NDN: variants seen among roughly 807,000 people sequenced by gnomAD.
NDN encodes necdin, MAGE family member.
For synonymous variants in NDN, 245 were observed against 189.4 expected (o/e 1.29, Z -2.41); for missense variants, 465 against 440.4 (o/e 1.06, Z -0.50).
Position 23,685,866 on chromosome 15 carries a change from G to C in NDN, c.*386C>G, listed in dbSNP as rs1305293898. On this transcript the variant is annotated 3_prime_UTR_variant, in exon 1 of 1. Coordinates refer to ENST00000649030, the MANE Select transcript of NDN (RefSeq NM_002487.3). ...GCCTTGACTTTTCTTGGTTAGGCCG[G>C]CTTTGCTGGTGACTTCTTCCAAACT... 6.4e-6 allele frequency: 1 copy of C among 155,258 alleles called. No homozygotes were observed. Among genetic ancestry groups the C allele is most frequent in the Non-Finnish European group, 1.4e-5 (1 of 70,410 alleles). The allele number at this position is 155,258 out of a possible 1,614,324, so 9.6% of individuals were successfully genotyped here.
rs1248930594 is a variant in NDN, at chr15:23,687,125, C to A, written c.93G>T (p.Gly31=). 5 of 1,580,548 alleles carry A rather than the reference C, an allele frequency of 3.2e-6. No individual in the cohort carries two copies. Among genetic ancestry groups the A allele is most frequent in the Admixed American group, 3.6e-5 (2 of 55,474 alleles). ...EVHSSPGVSE[G]VPPSATLAEP... is the part of the protein sequence containing the mutation. The stretch of plus-strand genomic sequence containing the variant: ...CTGCCAGGGTCGCGGACGGAGGAAC[C>A]CCCTCCGAAACCCCAGGGCTGCTGT... Residue 31 remains glycine, a synonymous_variant, in exon 1 of 1, where the codon GGG becomes GGT. Coordinates refer to ENST00000649030, the MANE Select transcript of NDN (RefSeq NM_002487.3).
Position 23,686,420 on chromosome 15 carries a change from GGCCCGGGA to G in NDN, c.790_797del (p.Ser264GlnfsTer18). 1 of 1,608,340 alleles carries G rather than the reference GGCCCGGGA, an allele frequency of 6.2e-7. No homozygotes were observed. The highest frequency in any genetic ancestry group is 1.3e-5 in the African/African-American group (1 of 74,854). On this transcript the variant is annotated frameshift_variant, in exon 1 of 1. Coordinates refer to ENST00000649030, the MANE Select transcript of NDN (RefSeq NM_002487.3). LOFTEE classifies it high-confidence loss of function. Reference sequence around the variant, plus strand: ...TTTGCATCTTGGTGATTTCGCGGCTGGCCCGGGAGCCCCAAAAGAACTCGTATTCGGGC... The same window carrying G: ...TTTGCATCTTGGTGATTTCGCGGCTGGCCCCAAAAGAACTCGTATTCGGGC...
Position 23,686,195 on chromosome 15 carries a change from C to T in NDN, c.*57G>A, listed in dbSNP as rs1891140441. 3 of 1,495,248 alleles carry T rather than the reference C, an allele frequency of 2.0e-6. No individual in the cohort carries two copies. The highest frequency in any genetic ancestry group is 2.7e-6 in the Non-Finnish European group (3 of 1,124,920). The allele number at this position is 1,495,248 out of a possible 1,614,324, so 92.6% of individuals were successfully genotyped here. ...TCCTGAATACTATAATGACCCACCC[C>T]CACCCTTCCACAGCCCTGGTGAGGG... On this transcript the variant is annotated 3_prime_UTR_variant, in exon 1 of 1. Coordinates refer to ENST00000649030, the MANE Select transcript of NDN (RefSeq NM_002487.3).
At position 23,686,591 on chromosome 15, in the gene NDN, G is replaced by T; in HGVS notation, c.627C>A (p.Ala209=). ...CCAGGATGCGCAGCACGTTCCAGAC[G>T]GCGCTCTCTCTGGCGCCGCGGCCCT... ...YVKGRGARES[A]VWNVLRILGL... Residue 209 remains alanine (A), a synonymous_variant, in exon 1 of 1, where the codon GCC becomes GCA. Coordinates refer to ENST00000649030, the MANE Select transcript of NDN (RefSeq NM_002487.3). 6.2e-7 allele frequency: 1 copy of T among 1,613,260 alleles called. No individual in the cohort carries two copies. Among genetic ancestry groups the T allele is most frequent in the African/African-American group, 1.3e-5 (1 of 75,050 alleles).
chr15:23,686,684 C>G lies in NDN; in HGVS notation c.534G>C (p.Arg178Ser), dbSNP rs751473607. ...VKALEPEELD[R>S]VALSNRMPMT... is the part of the protein sequence containing the mutation. ...TGGGCATGCGGTTGCTCAGCGCCAC[C>G]CTGTCCAGCTCCTCGGGCTCCAGCG... The change falls in exon 1 of 1, where the codon AGG (arginine) becomes AGC (serine). Residue 178 changes from arginine (R) to serine (S), a missense_variant. Coordinates refer to ENST00000649030, the MANE Select transcript of NDN (RefSeq NM_002487.3). 1 of 1,613,638 alleles carries G rather than the reference C, an allele frequency of 6.2e-7. No homozygotes were observed. Among genetic ancestry groups the G allele is most frequent in the Admixed American group, 1.7e-5 (1 of 59,998 alleles).
Position 23,686,287 on chromosome 15 carries a change from C to T in NDN, c.931G>A (p.Ala311Thr), listed in dbSNP as rs1419710733. The T allele has an allele frequency of 6.6e-7, 1 of 1,514,352 alleles. No individual in the cohort carries two copies. Among genetic ancestry groups the T allele is most frequent in the Middle Eastern group, 2.5e-4 (1 of 3,996 alleles). 93.8% of individuals were successfully genotyped at this position (1,514,352 alleles called of 1,614,324 possible). A position where few individuals can be genotyped will look rare whatever the true frequency, so the allele number is the denominator to read the frequency against. The part of the protein sequence containing the change: ...ARALREANPT[A>T]HYPRSSVSED The stretch of plus-strand genomic sequence containing the variant: ...GAGACACTGCTGCGAGGGTAGTGGG[C>T]AGTGGGATTAGCCTCCCGCAGAGCT... Residue 311 changes from alanine to threonine, a missense_variant, in exon 1 of 1, where the codon GCC becomes ACC. By Grantham distance (58) the Ala-to-Thr change is moderately conservative (BLOSUM62 0). Coordinates refer to ENST00000649030, the MANE Select transcript of NDN (RefSeq NM_002487.3).
chr15:23,686,465 T>C lies in NDN; in HGVS notation c.753A>G (p.Pro251=), dbSNP rs1386233025. The C allele has an allele frequency of 2.5e-6, 4 of 1,612,204 alleles. No homozygotes were observed. The South Asian group carries it at 4.4e-5, about 18-fold the overall frequency. Residue 251 remains proline, a synonymous_variant, in exon 1 of 1, where the codon CCA becomes CCG. Transcript: ENST00000649030. Reference sequence around the variant, plus strand: ...ACTCGTATTCGGGCGGCTCCACGTATGGGACGCGCTGGTACTTCAGGTAAT... The same window carrying C: ...ACTCGTATTCGGGCGGCTCCACGTACGGGACGCGCTGGTACTTCAGGTAAT... ...QMNYLKYQRV[P]YVEPPEYEFF... is the part of the protein sequence containing the mutation.
At position 23,686,504 on chromosome 15, in the gene NDN, C is replaced by T; in HGVS notation, c.714G>A (p.Glu238=). Residue 238 remains glutamate, a synonymous_variant, in exon 1 of 1, where the codon GAG becomes GAA. Transcript: ENST00000649030. ...FGDVRKLITE[E]FVQMNYLKYQ... The stretch of plus-strand genomic sequence containing the variant: ...ACTTCAGGTAATTCATTTGGACGAA[C>T]TCCTCAGTGATGAGCTTCCGCACGT... 1 of 1,613,596 alleles carries T rather than the reference C, an allele frequency of 6.2e-7. No individual in the cohort carries two copies. The highest frequency in any genetic ancestry group is 8.5e-7 in the Non-Finnish European group (1 of 1,179,982).
rs1891170183 is a variant in NDN at position 23,687,256 on chromosome 15, G to A, written c.-39C>T. 4.4e-6 allele frequency: 6 copies of A among 1,376,046 alleles called. No individual in the cohort carries two copies. In the African/African-American group the frequency reaches 9.0e-5, roughly 21 times the overall value. 85.2% of individuals were successfully genotyped at this position (1,376,046 alleles called of 1,614,324 possible). A position where few individuals can be genotyped will look rare whatever the true frequency, so the allele number is the denominator to read the frequency against. On this transcript the variant is annotated 5_prime_UTR_variant, in exon 1 of 1. Coordinates refer to ENST00000649030, the MANE Select transcript of NDN (RefSeq NM_002487.3). ...GGCAAGGGCAGGGCCTCTGCGTCCAGGAGCTCTTCGAGCCTGCGCTCCCTC... is the reference window on the plus strand; with the variant it reads ...GGCAAGGGCAGGGCCTCTGCGTCCAAGAGCTCTTCGAGCCTGCGCTCCCTC...
chr15:23,686,216 G>A lies in NDN; in HGVS notation c.*36C>T. On this transcript the variant is annotated 3_prime_UTR_variant, in exon 1 of 1. Coordinates refer to ENST00000649030, the MANE Select transcript of NDN (RefSeq NM_002487.3). ...ACCCCCACCCTTCCACAGCCCTGGT[G>A]AGGGTCAGAAACCATTCATCTGCCT... 6.7e-7 allele frequency: 1 copy of A among 1,501,606 alleles called. No homozygotes were observed. Among genetic ancestry groups the A allele is most frequent in the Non-Finnish European group, 8.9e-7 (1 of 1,127,668 alleles). The allele number at this position is 1,501,606 out of a possible 1,614,324, so 93.0% of individuals were successfully genotyped here. A position where few individuals can be genotyped will look rare whatever the true frequency, so the allele number is the denominator to read the frequency against.
chr15:23,686,704 C>T lies in NDN; in HGVS notation c.514G>A (p.Glu172Lys). The change falls in exon 1 of 1, where the codon GAG becomes AAG. Residue 172 changes from glutamate to lysine, a missense_variant. Glu to Lys is a moderately conservative substitution (Grantham distance 56). Coordinates refer to ENST00000649030, the MANE Select transcript of NDN (RefSeq NM_002487.3). ...GCCACCCTGTCCAGCTCCTCGGGCT[C>T]CAGCGCTTTGACCAGCGCAAACTCC... ...TMEFALVKAL[E>K]PEELDRVALS... 1 of 1,613,892 alleles carries T rather than the reference C, an allele frequency of 6.2e-7. No homozygotes were observed. The highest frequency in any genetic ancestry group is 8.5e-7 in the Non-Finnish European group (1 of 1,179,992).
chr15:23,686,196 C>A lies in NDN; in HGVS notation c.*56G>T. ...CCTGAATACTATAATGACCCACCCCCACCCTTCCACAGCCCTGGTGAGGGT... is the reference window on the plus strand; with the variant it reads ...CCTGAATACTATAATGACCCACCCCAACCCTTCCACAGCCCTGGTGAGGGT... On this transcript the variant is annotated 3_prime_UTR_variant, in exon 1 of 1. Transcript: ENST00000649030. The A allele has an allele frequency of 2.7e-6, 4 of 1,495,564 alleles. No individual in the cohort carries two copies. The highest frequency in any genetic ancestry group is 3.6e-6 in the Non-Finnish European group (4 of 1,125,132). The allele number at this position is 1,495,564 out of a possible 1,614,324, so 92.6% of individuals were successfully genotyped here.
rs142210120 is a variant in NDN, at chr15:23,686,450, G to C, written c.768C>G (p.Pro256=). The part of the protein sequence containing the change: ...KYQRVPYVEP[P]EYEFFWGSRA... The stretch of plus-strand genomic sequence containing the variant: ...GGGAGCCCCAAAAGAACTCGTATTC[G>C]GGCGGCTCCACGTATGGGACGCGCT... The change falls in exon 1 of 1, where the codon CCC becomes CCG. Residue 256 remains proline, a synonymous_variant. Coordinates refer to ENST00000649030, the MANE Select transcript of NDN (RefSeq NM_002487.3). 4 of 1,610,292 alleles carry C rather than the reference G, an allele frequency of 2.5e-6. No homozygotes were observed. The highest frequency in any genetic ancestry group is 3.4e-6 in the Non-Finnish European group (4 of 1,177,668).
Position 23,686,581 on chromosome 15 carries a change from C to A in NDN, c.637G>T (p.Val213Leu), listed in dbSNP as rs745500582. The change falls in exon 1 of 1, where the codon GTG becomes TTG. Residue 213 changes from valine to leucine, a missense_variant. By Grantham distance (32) the Val-to-Leu change is conservative. Transcript: ENST00000649030. ...GGCCGCAGCCCCAGGATGCGCAGCACGTTCCAGACGGCGCTCTCTCTGGCG... is the reference window on the plus strand; with the variant it reads ...GGCCGCAGCCCCAGGATGCGCAGCAAGTTCCAGACGGCGCTCTCTCTGGCG... ...RGARESAVWN[V>L]LRILGLRPWK... 4.3e-6 allele frequency: 7 copies of A among 1,613,278 alleles called. No homozygotes were observed. In the Admixed American group the frequency reaches 1.2e-4, roughly 27 times the overall value.
chr15:23,687,170 C>T lies in NDN; in HGVS notation c.48G>A (p.Glu16=). 6.5e-7 allele frequency: 1 copy of T among 1,535,030 alleles called. No homozygotes were observed. ...TGCTGTGCACCTCGGAGTTGGGGGC[C>T]TCGGCTGCAAAGTTAGGGTCGCTCA... ...KDLSDPNFAA[E]APNSEVHSSP... Residue 16 remains glutamate, a synonymous_variant, in exon 1 of 1, where the codon GAG becomes GAA. Coordinates refer to ENST00000649030, the MANE Select transcript of NDN (RefSeq NM_002487.3).
rs1304314778 is a variant in NDN, at chr15:23,685,513, A to G, written c.*739T>C. On this transcript the variant is annotated 3_prime_UTR_variant, in exon 1 of 1. Coordinates refer to ENST00000649030, the MANE Select transcript of NDN (RefSeq NM_002487.3). The stretch of plus-strand genomic sequence containing the variant: ...TGAAATAAACATGAGTTACATTTAA[A>G]GACAATAGAACTATAAACTTCACAA... The G allele has an allele frequency of 6.6e-6, 1 of 152,246 alleles. No homozygotes were observed. The highest frequency in any genetic ancestry group is 1.9e-4 in the East Asian group (1 of 5,206). 9.4% of individuals were successfully genotyped at this position (152,246 alleles called of 1,614,324 possible). A position where few individuals can be genotyped will look rare whatever the true frequency, so the allele number is the denominator to read the frequency against.
chr15:23,686,176 A>G lies in NDN; in HGVS notation c.*76T>C. On this transcript the variant is annotated 3_prime_UTR_variant, in exon 1 of 1. Transcript: ENST00000649030. ...GTGAATACTGCACTGTAAATCCTGA[A>G]TACTATAATGACCCACCCCCACCCT... The G allele has an allele frequency of 6.8e-7, 1 of 1,474,312 alleles. No individual in the cohort carries two copies. The highest frequency in any genetic ancestry group is 9.0e-7 in the Non-Finnish European group (1 of 1,110,978). 91.3% of individuals were successfully genotyped at this position (1,474,312 alleles called of 1,614,324 possible). A position where few individuals can be genotyped will look rare whatever the true frequency, so the allele number is the denominator to read the frequency against.
In NDN at chr15:23,686,714, G is replaced by C. The variant is rs748887378; in HGVS notation, c.504C>G (p.Val168=). Residue 168 remains valine (V), a synonymous_variant, in exon 1 of 1, where the codon GTC becomes GTG. Coordinates refer to ENST00000649030, the MANE Select transcript of NDN (RefSeq NM_002487.3). ...CCAGCTCCTCGGGCTCCAGCGCTTTGACCAGCGCAAACTCCATGGTGTGCA... is the reference window on the plus strand; with the variant it reads ...CCAGCTCCTCGGGCTCCAGCGCTTTCACCAGCGCAAACTCCATGGTGTGCA... ...TSLHTMEFAL[V]KALEPEELDR... is the part of the protein sequence containing the mutation. 3 of 1,613,812 alleles carry C rather than the reference G, an allele frequency of 1.9e-6. No homozygotes were observed. Among genetic ancestry groups the C allele is most frequent in the African/African-American group, 1.3e-5 (1 of 74,948 alleles).
chr15:23,686,122 G>A lies in NDN; in HGVS notation c.*130C>T. 1 of 1,105,158 alleles carries A rather than the reference G, an allele frequency of 9.0e-7. No homozygotes were observed. The highest frequency in any genetic ancestry group is 1.2e-6 in the Non-Finnish European group (1 of 806,478). 68.5% of individuals were successfully genotyped at this position (1,105,158 alleles called of 1,614,324 possible). ...ACAACATTGCATTAAAGGTATAAAA[G>A]CACTGTACTGAAAACTTAAAAGTTA... On this transcript the variant is annotated 3_prime_UTR_variant, in exon 1 of 1. Transcript: ENST00000649030.
Sources: allele counts gnomAD v4.1 joint callset, GRCh38; gene constraint gnomAD v4.1.1; transcripts MANE v1.5; gene names NCBI Gene and HGNC (gene_info 2026-07-23, HGNC 2026-07-21).